The following RBMS3 variants were observed in gnomAD, a reference collection of about 807,000 sequenced individuals.
RBMS3 encodes the protein RNA binding motif single stranded interacting protein 3.
In RBMS3, 27 loss-of-function variants were observed where a neutral mutation model predicts 66.8. That is an observed-to-expected ratio of 0.40 (90% CI 0.30 to 0.56). The LOEUF (loss-of-function observed/expected upper bound fraction) is 0.56, where lower values mean the gene tolerates loss of function less well. Ranked by LOEUF, RBMS3 falls within the 20% of genes least tolerant of loss-of-function variation. The probability of loss-of-function intolerance (pLI) is 0.40; values close to 1 mark genes in which losing one functional copy is unlikely to be tolerated. For synonymous variants in RBMS3, 188 were observed against 183.0 expected (o/e 1.03, Z -0.22); for missense variants, 513 against 549.5 (o/e 0.93, Z 0.66).
intron 4 of RBMS3, among the ~76,000 whole-genome samples, chr3:29,703,132 C>A (rs957724083): frequency 3.3e-5 from 5 of 152,208 alleles, no homozygotes; most frequent in Non-Finnish European, 7.3e-5. Flanking sequence ...TTCTCACTTA[C>A]ATTTAAGTAC....
At chr3:29,423,216 G>C (rs915521141) in intron 1 of RBMS3, among the ~76,000 whole-genome samples, 3 of 152,274 alleles carry the variant, frequency 2.0e-5, no homozygotes, top group African/African-American at 7.2e-5. Flanking sequence ...CAGGCAGCTT[G>C]TCTGCCAAAG....
At chr3:29,331,122 C>T (rs1419559844) in intron 1 of RBMS3, among the ~76,000 whole-genome samples, 2 of 152,096 alleles carry the variant, frequency 1.3e-5, no homozygotes, top group Non-Finnish European at 2.9e-5. Context: ...ATGGGATAAG[C>T]CTGTCCTCTC....
At chr3:29,361,775 C>T (rs1464955027) in intron 1 of RBMS3, among the ~76,000 whole-genome samples, 1 of 152,154 alleles carries the variant, frequency 6.6e-6, no homozygotes, top group Non-Finnish European at 1.5e-5. Flanking sequence ...CTAAACTTCT[C>T]TTCTCTCTTC....
At chr3:29,530,348 C>T (rs1333554097) in intron 3 of RBMS3, among the ~76,000 whole-genome samples, 2 of 151,932 alleles carry the variant, frequency 1.3e-5, no homozygotes, top group African/African-American at 2.4e-5. Context: ...AATTTCCACC[C>T]CAGAAATTTG....
At chr3:29,961,175 C>T (rs993057324) in intron 12 of RBMS3, among the ~76,000 whole-genome samples, 2 of 152,168 alleles carry the variant, frequency 1.3e-5, no homozygotes, top group African/African-American at 4.8e-5. Flanking sequence ...GTTCAAAGTT[C>T]CACAGATCTC....
At chr3:29,903,581 G>A (rs1271706171) in intron 10 of RBMS3, among the ~76,000 whole-genome samples, 1 of 151,846 alleles carries the variant, frequency 6.6e-6, no homozygotes, top group African/African-American at 2.4e-5. Flanking sequence ...CCAATACATT[G>A]GATATTTTGT....
intron 4 of RBMS3, among the ~76,000 whole-genome samples, chr3:29,724,795 TAGGGGAC>T (rs2053785311): frequency 6.6e-6 from 1 of 152,176 alleles, no homozygotes; most frequent in Non-Finnish European, 1.5e-5. Flanking sequence ...CTATAAGAGT[TAGGGGAC>T]AGATATCTAA....
At chr3:29,440,709 G>A (rs1011708076) in intron 2 of RBMS3, among the ~76,000 whole-genome samples, 1 of 152,134 alleles carries the variant, frequency 6.6e-6, no homozygotes, top group East Asian at 1.9e-4. Context: ...CTAATCTCCC[G>A]GACTTTTACA....
At chr3:29,294,760 G>T (rs1007828347) in intron 1 of RBMS3, among the ~76,000 whole-genome samples, 4 of 151,562 alleles carry the variant, frequency 2.6e-5, no homozygotes, top group African/African-American at 9.7e-5. Context: ...CTGAGTTTTC[G>T]GTCCATCTTT....
intron 6 of RBMS3, among the ~76,000 whole-genome samples, chr3:29,777,003 C>A (rs2056449823): frequency 6.6e-6 from 1 of 151,864 alleles, no homozygotes; most frequent in African/African-American, 2.4e-5. Context: ...GGGACCATGG[C>A]AGCTGTGTTA....
chr3:29,763,800 G>T (rs2055800946), intron 6 of RBMS3, among the ~76,000 whole-genome samples: 1 of 151,952 alleles, frequency 6.6e-6, no homozygotes, highest in Non-Finnish European at 1.5e-5. Flanking sequence ...ATTAACAATG[G>T]AATGAAGTAT....
chr3:29,870,645 A>G (rs767358404), intron 7 of RBMS3, among the ~76,000 whole-genome samples: 2 of 152,168 alleles, frequency 1.3e-5, no homozygotes, highest in African/African-American at 2.4e-5. Flanking sequence ...AAAATGCTAT[A>G]TGTACTATGA....
Position 29,517,326 on chromosome 3 carries a change from T to G in RBMS3, c.307+28827T>G, listed in dbSNP as rs28670079. ...GTGTGTGTATATATATATATTTTTT[T>G]TTTGTTTTTTTTTTGAAACAGAGTC... On this transcript the variant is annotated intron_variant, in intron 3 of 14. Transcript: ENST00000383767. 4.2e-3 allele frequency among the ~76,000 whole-genome samples: 565 copies of G among 134,500 alleles called. 3 individuals carry two copies. The highest frequency in any genetic ancestry group is 6.4e-3 in the Admixed American group (83 of 13,006). 88.2% of individuals were successfully genotyped at this position (134,500 alleles called of 152,430 possible). A position where few individuals can be genotyped will look rare whatever the true frequency, so the allele number is the denominator to read the frequency against.
At chr3:29,972,185 A>ATT (rs145595250) in intron 12 of RBMS3, among the ~76,000 whole-genome samples, 2 of 147,206 alleles carry the variant, frequency 1.4e-5, no homozygotes, top group African/African-American at 5.0e-5. Context: ...TCTCCTTTCT[A>ATT]TTTTTTTTTT....
chr3:29,942,560 A>G (rs1340603317), intron 11 of RBMS3, among the ~76,000 whole-genome samples: 1 of 151,752 alleles, frequency 6.6e-6, no homozygotes, highest in East Asian at 1.9e-4. Flanking sequence ...AAAAGGAAGG[A>G]AAGATGTAAA....
intron 4 of RBMS3, among the ~76,000 whole-genome samples, chr3:29,628,443 C>G (rs1036511127): frequency 6.6e-6 from 1 of 152,038 alleles, no homozygotes; most frequent in Admixed American, 6.6e-5. Flanking sequence ...TTCAGAGGGG[C>G]CTTGTGGTTT....
chr3:29,905,404 G>A (rs1049979967), intron 10 of RBMS3, among the ~76,000 whole-genome samples: 1 of 151,972 alleles, frequency 6.6e-6, no homozygotes, highest in African/African-American at 2.4e-5. Context: ...TTTATAGCAT[G>A]AGATGAGATT....
chr3:29,743,646 G>A (rs1429362020), intron 5 of RBMS3, among the ~76,000 whole-genome samples: 1 of 151,768 alleles, frequency 6.6e-6, no homozygotes, highest in East Asian at 1.9e-4. Flanking sequence ...CCACCTGAAT[G>A]ATCTGTTAAA....
chr3:29,877,409 A>C (rs956126695), intron 7 of RBMS3, among the ~76,000 whole-genome samples: 7 of 152,208 alleles, frequency 4.6e-5, no homozygotes, highest in Admixed American at 1.3e-4. Context: ...AAATGATGCA[A>C]ATGAATGTAA....
Sources: gnomAD v4.1 joint callset for allele counts (sites outside exome capture counted in the v4.1 genomes callset) on GRCh38, gnomAD v4.1.1 for gene constraint, MANE v1.5 for transcripts, NCBI Gene and HGNC (gene_info 2026-07-23, HGNC 2026-07-21) for gene names.